Variants in SGPP2 observed in about 807,000 individuals in gnomAD.
SGPP2 encodes sphingosine-1-phosphate phosphatase 2, also known as sphingosine 1-phosphate phosphohydrolase 2.
In SGPP2, 30 loss-of-function variants were observed where a neutral mutation model predicts 33.9. The observed-to-expected ratio is 0.89, with a 90% CI of 0.66 to 1.20. The LOEUF (loss-of-function observed/expected upper bound fraction) is 1.20. Among genes scored for constraint, SGPP2 ranks in the 50% most tolerant of loss-of-function variants. The pLI, the probability that SGPP2 is intolerant of heterozygous loss-of-function variation, is 0.00. For synonymous variants in SGPP2, 233 were observed against 225.0 expected (o/e 1.04, Z -0.32); for missense variants, 458 against 532.1 (o/e 0.86, Z 1.37).
At chr2:222,487,707 C>T (rs1447002463) in intron 2 of SGPP2, among the ~76,000 whole-genome samples, 1 of 152,140 alleles carries the variant, frequency 6.6e-6, no homozygotes, top group African/African-American at 2.4e-5. Context: ...TGGCAGTGCG[C>T]TGGCAACATA....
chr2:222,452,265 G>T (rs1356764984), intron 1 of SGPP2: 2 of 471,310 alleles, frequency 4.2e-6, no homozygotes, highest in Admixed American at 6.3e-5. Context: ...CCATCATATT[G>T]ACTGGATAGG....
intron 1 of SGPP2, among the ~76,000 whole-genome samples, chr2:222,434,323 T>TA (rs1434948821): frequency 3.3e-5 from 5 of 152,198 alleles, no homozygotes; most frequent in Admixed American, 1.3e-4. Flanking sequence ...TTGTATATGT[T>TA]TATGGGGCAC....
chr2:222,551,150 T>C (rs1689287976), intron 4 of SGPP2, among the ~76,000 whole-genome samples: 1 of 152,002 alleles, frequency 6.6e-6, no homozygotes, highest in Non-Finnish European at 1.5e-5. Context: ...ATGTTCCCTA[T>C]CAACCATCTG....
intron 1 of SGPP2, among the ~76,000 whole-genome samples, chr2:222,449,219 G>A (rs1373543973): frequency 2.0e-5 from 3 of 152,168 alleles, no homozygotes; most frequent in Admixed American, 6.5e-5. Context: ...CATTGAGGGT[G>A]GGGCTGCTAT....
rs143566001 is a variant in SGPP2, at chr2:222,510,250, A to T, written c.379-11517A>T. 4.8e-4 allele frequency among the ~76,000 whole-genome samples: 73 copies of T among 152,324 alleles called. 1 individual carries two copies. The East Asian group carries it at 0.014, about 29-fold the overall frequency. Reference sequence around the variant, plus strand: ...TCTTAGGGATACACCTAGGAGTGGAATGGATGAGTGTCTGGTGTCTGTTTA... The same window carrying T: ...TCTTAGGGATACACCTAGGAGTGGATTGGATGAGTGTCTGGTGTCTGTTTA... On this transcript the variant is annotated intron_variant, in intron 2 of 4. Transcript: ENST00000321276.
intron 2 of SGPP2, among the ~76,000 whole-genome samples, chr2:222,498,642 C>A (rs1698320174): frequency 6.6e-6 from 1 of 151,864 alleles, no homozygotes; most frequent in African/African-American, 2.4e-5. Flanking sequence ...AGACTCTGGG[C>A]CACACAAAGG....
chr2:222,475,040 G>A (rs558909302), intron 2 of SGPP2, among the ~76,000 whole-genome samples: 7 of 152,230 alleles, frequency 4.6e-5, no homozygotes, highest in Admixed American at 4.6e-4. Flanking sequence ...TCTTACAAAG[G>A]TGGTTTTCAT....
chr2:222,548,564 C>T (rs975276975), intron 4 of SGPP2, among the ~76,000 whole-genome samples: 4 of 152,214 alleles, frequency 2.6e-5, no homozygotes, highest in Admixed American at 1.3e-4. Context: ...ATGGAAAAGA[C>T]ATGCTTTCGG....
At chr2:222,484,985 A>G (rs949039617) in intron 2 of SGPP2, among the ~76,000 whole-genome samples, 2 of 152,228 alleles carry the variant, frequency 1.3e-5, no homozygotes, top group Non-Finnish European at 2.9e-5. Flanking sequence ...GAAGCTGTTC[A>G]CTGCCCCTCC....
rs1364751446 is a variant in SGPP2, at chr2:222,460,636, A to G, written c.220-13932A>G. ...TTCTAAACCCAGCCTCCTTATTACG[A>G]CCTCCAGGGCTCTCCTCTCTGGCTT... is the stretch of plus-strand genomic sequence containing the variant. On this transcript the variant is annotated intron_variant, in intron 1 of 4. Coordinates refer to ENST00000321276, the MANE Select transcript of SGPP2 (RefSeq NM_152386.4). The surrounding 1 kb of genome is among the most constrained non-coding windows in gnomAD (Gnocchi z 4.3). Among the ~76,000 whole-genome samples the G allele has an allele frequency of 6.6e-6, 1 of 151,796 alleles. No individual in the cohort carries two copies. The highest frequency in any genetic ancestry group is 1.5e-5 in the Non-Finnish European group (1 of 67,980).
rs1291537086 is a variant in SGPP2 at position 222,524,925 on chromosome 2, T to C, written c.559-19T>C. 6.2e-7 allele frequency: 1 copy of C among 1,604,760 alleles called. No individual in the cohort carries two copies. On this transcript the variant is annotated intron_variant, in intron 3 of 4. Transcript: ENST00000321276. Reference sequence around the variant, plus strand: ...CTGAGTGTGATCTAATTCCCTTGTTTTTTCTCCTTCCCCCACAGTATCCAT... The same window carrying C: ...CTGAGTGTGATCTAATTCCCTTGTTCTTTCTCCTTCCCCCACAGTATCCAT...
At chr2:222,461,519 A>G (rs1304805512) in intron 1 of SGPP2, among the ~76,000 whole-genome samples, 3 of 152,058 alleles carry the variant, frequency 2.0e-5, no homozygotes, top group Non-Finnish European at 4.4e-5. Context: ...ACATTGTAAT[A>G]TATTAATATA....
chr2:222,515,135 C>T (rs1428658325), intron 2 of SGPP2, among the ~76,000 whole-genome samples: 3 of 152,054 alleles, frequency 2.0e-5, no homozygotes, highest in African/African-American at 7.3e-5. Flanking sequence ...TGATGTCCTT[C>T]CTTCAAGTCT....
chr2:222,472,281 C>A (rs548983392), intron 1 of SGPP2, among the ~76,000 whole-genome samples: 1 of 152,148 alleles, frequency 6.6e-6, no homozygotes, highest in East Asian at 1.9e-4. Context: ...CAAATAAAAC[C>A]AATTCACTGA....
chr2:222,453,901 G>A (rs1193332115), intron 1 of SGPP2, among the ~76,000 whole-genome samples: 3 of 152,152 alleles, frequency 2.0e-5, no homozygotes, highest in Non-Finnish European at 4.4e-5. Context: ...TGAGGAAACG[G>A]AGGCACAGTG....
rs934266561 is a variant in SGPP2, at chr2:222,561,712, T to C, written c.*2814T>C. On this transcript the variant is annotated 3_prime_UTR_variant, in exon 5 of 5. Transcript: ENST00000321276. ...AGAATGAGCCAAGGATTTGTCATGGTTGGTCACTTTTTAAAGTATTTGATT... is the reference window on the plus strand; with the variant it reads ...AGAATGAGCCAAGGATTTGTCATGGCTGGTCACTTTTTAAAGTATTTGATT... Among the ~76,000 whole-genome samples the C allele has an allele frequency of 1.3e-5, 2 of 152,004 alleles. No homozygotes were observed. Among genetic ancestry groups the C allele is most frequent in the African/African-American group, 4.8e-5 (2 of 41,362 alleles).
chr2:222,555,450 T>TG (rs1159427615), intron 4 of SGPP2, among the ~76,000 whole-genome samples: 1 of 149,276 alleles, frequency 6.7e-6, no homozygotes, highest in Non-Finnish European at 1.5e-5. Flanking sequence ...TATCCGTTTT[T>TG]TTTTTTTTTT....
intron 2 of SGPP2, among the ~76,000 whole-genome samples, chr2:222,484,540 C>G (rs1235220624): frequency 6.6e-6 from 1 of 152,230 alleles, no homozygotes; most frequent in Non-Finnish European, 1.5e-5. Context: ...ACACTTCATA[C>G]AGAGTTTTAT....
intron 2 of SGPP2, among the ~76,000 whole-genome samples, chr2:222,509,507 A>G (rs1418823875): frequency 2.6e-5 from 4 of 152,208 alleles, no homozygotes; most frequent in African/African-American, 9.6e-5. Flanking sequence ...CTGTGTACTT[A>G]TGGTTGTGAG....
Sources: gnomAD v4.1 joint callset for allele counts (sites outside exome capture counted in the v4.1 genomes callset) on GRCh38, gnomAD v4.1.1 for gene constraint, Gnocchi (gnomAD v3.1) non-coding constraint, MANE v1.5 for transcripts, NCBI Gene and HGNC (gene_info 2026-07-23, HGNC 2026-07-21) for gene names.